Variants in MEGF11 observed in about 807,000 individuals in gnomAD.
The protein encoded by MEGF11 is multiple EGF like domains 11.
In MEGF11, 126 loss-of-function variants were observed where a neutral mutation model predicts 146.6. That is an observed-to-expected ratio of 0.86 (90% confidence interval 0.74 to 1.00). MEGF11 has a LOEUF of 1.00. Among genes scored for constraint, MEGF11 ranks in the 50% least tolerant of loss-of-function variants. MEGF11 has a pLI of 0.00. For missense variants in MEGF11, 1,509 were observed against 1,521.2 expected (o/e 0.99, Z 0.13); for synonymous variants, 532 against 583.4 (o/e 0.91, Z 1.27).
At chr15:66,093,880 C>A (rs376794362) in intron 5 of MEGF11, among the ~76,000 whole-genome samples, 1 of 152,112 alleles carries the variant, frequency 6.6e-6, no homozygotes, top group Non-Finnish European at 1.5e-5. Flanking sequence ...AACCATCCAC[C>A]CACAAAAATG....
rs757459810 is a variant in MEGF11 at position 65,918,096 on chromosome 15, T to C, written c.1958-2A>G. Reference sequence around the variant, plus strand: ...GCCCAAAGTATCCTCCAGCACACACTGTGGGCACAGGGCAGCCTGGCACCC... The same window carrying C: ...GCCCAAAGTATCCTCCAGCACACACCGTGGGCACAGGGCAGCCTGGCACCC... On this transcript the variant is annotated splice_acceptor_variant, in intron 15 of 25. Coordinates refer to ENST00000395614, the MANE Select transcript of MEGF11 (RefSeq NM_001385028.1). LOFTEE classifies it high-confidence loss of function. The C allele has an allele frequency of 1.9e-6, 3 of 1,613,656 alleles. No individual in the cohort carries two copies. The Admixed American group carries it at 5.0e-5, about 27-fold the overall frequency.
At chr15:66,059,033 T>C (rs1326019006) in intron 5 of MEGF11, among the ~76,000 whole-genome samples, 1 of 151,922 alleles carries the variant, frequency 6.6e-6, no homozygotes, top group Non-Finnish European at 1.5e-5. Context: ...TGGGGGTGAG[T>C]AGGTCAGGGC....
intron 3 of MEGF11, among the ~76,000 whole-genome samples, chr15:66,119,895 C>T (rs556941525): frequency 4.6e-4 from 70 of 152,292 alleles, no homozygotes; most frequent in African/African-American, 1.7e-3. Context: ...AGCCCCATGC[C>T]AGAGGGACTA....
At chr15:65,933,168 G>T (rs2079639660) in intron 10 of MEGF11, among the ~76,000 whole-genome samples, 1 of 152,166 alleles carries the variant, frequency 6.6e-6, no homozygotes, top group Admixed American at 6.5e-5. Context: ...CACGGTTCCT[G>T]CTCTTTCCCC....
chr15:65,909,033 C>A lies in MEGF11; in HGVS notation c.2998+1G>T. On this transcript the variant is annotated splice_donor_variant, in intron 23 of 25. Transcript: ENST00000395614. LOFTEE classifies it high-confidence loss of function. ...GGTGGAGGGTAGGGCTGGGGTCTGA[C>A]CTGGTGAGTGTGGCTCAGCGGGGCG... 1 of 1,533,452 alleles carries A rather than the reference C, an allele frequency of 6.5e-7. No homozygotes were observed. Among genetic ancestry groups the A allele is most frequent in the Non-Finnish European group, 8.7e-7 (1 of 1,144,772 alleles). The allele number at this position is 1,533,452 out of a possible 1,614,324, so 95.0% of individuals were successfully genotyped here.
chr15:66,063,140 C>T lies in MEGF11; in HGVS notation c.394+31262G>A, dbSNP rs190484846. On this transcript the variant is annotated intron_variant, in intron 5 of 25. Transcript: ENST00000395614. ...AATTTCTCTTTTATTCAAATGCTAA[C>T]AAGTTACATAATTTCAAACAAATGG... Among the ~76,000 whole-genome samples the T allele has an allele frequency of 6.7e-3, 1,013 of 152,266 alleles. 4 individuals carry two copies. Among genetic ancestry groups the T allele is most frequent in the Non-Finnish European group, 8.6e-3 (582 of 68,022 alleles).
intron 3 of MEGF11, among the ~76,000 whole-genome samples, chr15:66,122,278 C>T (rs1251765510): frequency 2.6e-5 from 4 of 151,502 alleles, no homozygotes; most frequent in Admixed American, 2.6e-4. Flanking sequence ...AAAAAACTAC[C>T]TATGCAGAAA....
chr15:65,929,898 AG>A lies in MEGF11; in HGVS notation c.1409-16del. On this transcript the variant is annotated splice_polypyrimidine_tract_variant and intron_variant, in intron 11 of 25. Transcript: ENST00000395614. Reference sequence around the variant, plus strand: ...GCCCTGCCACCCTGAGGGGAGGGAAAGGGACTGTCACTTCTCCATCCAGGCC... The same window carrying A: ...GCCCTGCCACCCTGAGGGGAGGGAAAGGACTGTCACTTCTCCATCCAGGCC... The A allele has an allele frequency of 1.3e-6, 2 of 1,588,420 alleles. No individual in the cohort carries two copies. The highest frequency in any genetic ancestry group is 1.7e-6 in the Non-Finnish European group (2 of 1,166,658).
intron 5 of MEGF11, among the ~76,000 whole-genome samples, chr15:66,039,134 T>C (rs1168843090): frequency 6.6e-6 from 1 of 152,190 alleles, no homozygotes; most frequent in Non-Finnish European, 1.5e-5. Context: ...TGACTACCTA[T>C]GCGATAGAAT....
At chr15:66,100,314 C>G (rs7172217) in intron 4 of MEGF11, among the ~76,000 whole-genome samples, 35,838 of 152,020 alleles carry the variant, frequency 0.24, 4,400 homozygotes, top group East Asian at 0.43. Context: ...TGCTCCTGAC[C>G]CTTCCCCTAA....
At chr15:66,080,751 T>G (rs1202814112) in intron 5 of MEGF11, among the ~76,000 whole-genome samples, 1 of 152,218 alleles carries the variant, frequency 6.6e-6, no homozygotes, top group Non-Finnish European at 1.5e-5. Flanking sequence ...TGAAAAAGCA[T>G]TTGCTGCTAC....
rs1421264422 is a variant in MEGF11, at chr15:66,095,612, G to A, written c.302-1118C>T. 2.0e-5 allele frequency among the ~76,000 whole-genome samples: 3 copies of A among 152,168 alleles called. No individual in the cohort carries two copies. In the East Asian group the frequency reaches 5.8e-4, roughly 29 times the overall value. Reference sequence around the variant, plus strand: ...ACAAGGCTCATTTTATGGCTGATGTGGTCCTCTGGCCCCTCCTAAGCACAG... The same window carrying A: ...ACAAGGCTCATTTTATGGCTGATGTAGTCCTCTGGCCCCTCCTAAGCACAG... On this transcript the variant is annotated intron_variant, in intron 4 of 25. Coordinates refer to ENST00000395614, the MANE Select transcript of MEGF11 (RefSeq NM_001385028.1).
intron 2 of MEGF11, 140 bp from the exon 3 acceptor site, chr15:66,124,140 C>T (rs1199507185): frequency 3.0e-6 from 2 of 675,288 alleles, no homozygotes; most frequent in Non-Finnish European, 5.3e-6. Flanking sequence ...CCCCTCCCAA[C>T]TATCCTCCCC....
chr15:66,194,543 G>A (rs1013373096), intron 1 of MEGF11, among the ~76,000 whole-genome samples: 1 of 152,146 alleles, frequency 6.6e-6, no homozygotes, highest in African/African-American at 2.4e-5. Context: ...AGGAGGCAGA[G>A]GCTGCCATGA....
Position 66,176,435 on chromosome 15 carries a change from G to A in MEGF11, c.-8-48024C>T, listed in dbSNP as rs114745513. On this transcript the variant is annotated intron_variant, in intron 1 of 25. Coordinates refer to ENST00000395614, the MANE Select transcript of MEGF11 (RefSeq NM_001385028.1). ...GCTGGGGTGGAGGGGGGATAAAGGA[G>A]ATGTCTGCCAGGCATACCCTCTTTC... Among the ~76,000 whole-genome samples, 464 of 152,208 alleles carry A rather than the reference G, an allele frequency of 3.0e-3. 3 individuals are homozygous for A. The highest frequency in any genetic ancestry group is 0.01 in the African/African-American group (434 of 41,520).
At chr15:66,165,577 G>A (rs1384545446) in intron 1 of MEGF11, among the ~76,000 whole-genome samples, 1 of 152,022 alleles carries the variant, frequency 6.6e-6, no homozygotes, top group Non-Finnish European at 1.5e-5. Context: ...CAAGTCTTCT[G>A]GCCCCTCCTG....
intron 1 of MEGF11, among the ~76,000 whole-genome samples, chr15:66,159,721 T>C (rs928375244): frequency 2.0e-5 from 3 of 152,074 alleles, no homozygotes; most frequent in Non-Finnish European, 4.4e-5. Flanking sequence ...CTTGGTGCAG[T>C]GGTACCTTCT....
chr15:66,094,617 A>C, intron 4 of MEGF11, 123 bp from the exon 5 acceptor site: 2 of 770,562 alleles, frequency 2.6e-6, no homozygotes, highest in Non-Finnish European at 4.3e-6. Flanking sequence ...AGAACGCATG[A>C]CTGGCTTGGG....
At chr15:66,054,260 A>T (rs1316651967) in intron 5 of MEGF11, among the ~76,000 whole-genome samples, 1 of 152,154 alleles carries the variant, frequency 6.6e-6, no homozygotes, top group Non-Finnish European at 1.5e-5. Context: ...CCTGTACTCT[A>T]GCCAACCATG....
Sources: allele counts gnomAD v4.1 joint callset (sites outside exome capture counted in the v4.1 genomes callset), GRCh38; gene constraint gnomAD v4.1.1; transcripts MANE v1.5; gene names NCBI Gene and HGNC (gene_info 2026-07-23, HGNC 2026-07-21).